Variants in COX7B2 observed in about 807,000 individuals in gnomAD.
The protein encoded by COX7B2 is cytochrome c oxidase subunit 7B2, mitochondrial.
For missense variants in COX7B2, 109 were observed against 95.9 expected, an observed-to-expected ratio of 1.14 and a Z score of -0.57; for synonymous variants, 37 against 32.1, an observed-to-expected ratio of 1.15 and a Z score of -0.51.
At chr4:46,792,654 G>A (rs1391613090) in intron 2 of COX7B2, among the ~76,000 whole-genome samples, 1 of 152,084 alleles carries the variant, frequency 6.6e-6, no homozygotes, top group Non-Finnish European at 1.5e-5. Context: ...ACTTCTCAGA[G>A]CAGACTGTGG....
At chr4:46,877,480 G>C (rs191928982) in intron 1 of COX7B2, among the ~76,000 whole-genome samples, 1 of 152,108 alleles carries the variant, frequency 6.6e-6, no homozygotes, top group Admixed American at 6.5e-5. Flanking sequence ...TCTTTACACA[G>C]ATATAGATCC....
intron 2 of COX7B2, among the ~76,000 whole-genome samples, chr4:46,808,626 T>C (rs1319862946): frequency 6.6e-6 from 1 of 151,886 alleles, no homozygotes; most frequent in Non-Finnish European, 1.5e-5. Flanking sequence ...CAAATCTCAA[T>C]GGAAAAACTT....
chr4:46,803,424 G>C (rs1408541054), intron 2 of COX7B2, among the ~76,000 whole-genome samples: 1 of 152,036 alleles, frequency 6.6e-6, no homozygotes, highest in Non-Finnish European at 1.5e-5. Flanking sequence ...TTTGAGTTCA[G>C]TTACTGCTCC....
intron 2 of COX7B2, among the ~76,000 whole-genome samples, chr4:46,763,072 AAT>A (rs966896143): frequency 4.5e-5 from 6 of 133,274 alleles, no homozygotes; most frequent in African/African-American, 8.3e-5. Context: ...TATATTATAT[AAT>A]ATATATTACA....
At chr4:46,766,163 G>T (rs1273986248) in intron 2 of COX7B2, among the ~76,000 whole-genome samples, 2 of 152,102 alleles carry the variant, frequency 1.3e-5, no homozygotes, top group Admixed American at 1.3e-4. Context: ...GGAAACAAAA[G>T]GATGTTAATT....
intron 2 of COX7B2, among the ~76,000 whole-genome samples, chr4:46,797,003 TA>T (rs1718388099): frequency 1.2e-5 from 1 of 82,544 alleles, no homozygotes; most frequent in Non-Finnish European, 2.1e-5. Flanking sequence ...GATGACACAT[TA>T]GTGGGTGCAG....
chr4:46,815,102 C>CT (rs1019935931), intron 2 of COX7B2, among the ~76,000 whole-genome samples: 1 of 151,368 alleles, frequency 6.6e-6, no homozygotes. Flanking sequence ...AGGAGAATTG[C>CT]TTGAGCCCGG....
At chr4:46,788,034 G>C (rs997779052) in intron 2 of COX7B2, among the ~76,000 whole-genome samples, 1 of 152,032 alleles carries the variant, frequency 6.6e-6, no homozygotes, top group African/African-American at 2.4e-5. Context: ...AGGGACGAAG[G>C]CTTTCAACAA....
intron 1 of COX7B2, among the ~76,000 whole-genome samples, chr4:46,895,911 G>C (rs1397995166): frequency 1.3e-5 from 2 of 152,042 alleles, no homozygotes; most frequent in East Asian, 3.9e-4. Flanking sequence ...TCTTTCTATT[G>C]CACTTTCACC....
intron 1 of COX7B2, among the ~76,000 whole-genome samples, chr4:46,891,611 T>C (rs545787367): frequency 6.6e-6 from 1 of 152,300 alleles, no homozygotes; most frequent in African/African-American, 2.4e-5. Flanking sequence ...TAGATAAAAA[T>C]GAAGTTTCCA....
chr4:46,753,468 T>G (rs974067107), intron 2 of COX7B2, among the ~76,000 whole-genome samples: 3 of 151,776 alleles, frequency 2.0e-5, no homozygotes, highest in Non-Finnish European at 4.4e-5. Flanking sequence ...GGGGAAAGGA[T>G]TCCCTGTTTA....
rs886747256 is a variant in COX7B2 at position 46,734,899 on chromosome 4, G to A, written c.*48C>T. The A allele has an allele frequency of 3.7e-6, 6 of 1,607,934 alleles. No individual in the cohort carries two copies. The African/African-American group carries it at 6.7e-5, about 18-fold the overall frequency. On this transcript the variant is annotated 3_prime_UTR_variant, in exon 3 of 3. Coordinates refer to ENST00000355591, the MANE Select transcript of COX7B2 (RefSeq NM_130902.3). ...TTAATAAGCAGTAGAGTGCTTACAT[G>A]ACAAGTTGGTTTTTTAAACAATTCT...
At chr4:46,800,758 CTTAA>C (rs368912770) in intron 2 of COX7B2, among the ~76,000 whole-genome samples, 1,676 of 152,128 alleles carry the variant, frequency 0.011, 20 homozygotes, top group Middle Eastern at 0.041. Context: ...ACAAGTGGGA[CTTAA>C]TTAAAGAGTT....
At chr4:46,872,707 G>A (rs997693693) in intron 1 of COX7B2, among the ~76,000 whole-genome samples, 7 of 152,142 alleles carry the variant, frequency 4.6e-5, no homozygotes, top group African/African-American at 1.7e-4. Flanking sequence ...CTGAGTGCAT[G>A]TCTTTGCCCC....
chr4:46,815,218 T>C (rs961738068), intron 2 of COX7B2, among the ~76,000 whole-genome samples: 1 of 151,520 alleles, frequency 6.6e-6, no homozygotes, highest in Non-Finnish European at 1.5e-5. Flanking sequence ...TTGAGAAGCA[T>C]GAAAGTACTC....
intron 2 of COX7B2, among the ~76,000 whole-genome samples, chr4:46,762,981 A>G (rs565938412): frequency 2.1e-3 from 237 of 115,480 alleles, no homozygotes; most frequent in African/African-American, 7.2e-3. Flanking sequence ...TATACCACAT[A>G]TATGTAATAT....
At chr4:46,880,729 A>G (rs1351740331) in intron 1 of COX7B2, among the ~76,000 whole-genome samples, 2 of 151,296 alleles carry the variant, frequency 1.3e-5, no homozygotes, top group Non-Finnish European at 2.9e-5. Flanking sequence ...TTTAAAAAAA[A>G]AACTATCGCA....
chr4:46,807,977 T>A (rs1719091225), intron 2 of COX7B2, among the ~76,000 whole-genome samples: 1 of 151,924 alleles, frequency 6.6e-6, no homozygotes, highest in Non-Finnish European at 1.5e-5. Flanking sequence ...ACTTTGTTTT[T>A]CTTTCTCAGA....
At chr4:46,761,917 C>T (rs1009621956) in intron 2 of COX7B2, among the ~76,000 whole-genome samples, 1 of 151,510 alleles carries the variant, frequency 6.6e-6, no homozygotes, top group Non-Finnish European at 1.5e-5. Flanking sequence ...GCCTACTCAC[C>T]TACTGTCTTT....
Sources: allele counts gnomAD v4.1 joint callset (sites outside exome capture counted in the v4.1 genomes callset), GRCh38; gene constraint gnomAD v4.1.1; transcripts MANE v1.5; gene names NCBI Gene and HGNC (gene_info 2026-07-23, HGNC 2026-07-21).